STX2: variants seen among roughly 807,000 people sequenced by gnomAD.
STX2 encodes syntaxin 2.
In STX2, 27 loss-of-function variants were observed where a neutral mutation model predicts 40.6. That is an observed-to-expected ratio of 0.66 (90% CI 0.49 to 0.92). The LOEUF (loss-of-function observed/expected upper bound fraction) is 0.92. Ranked by LOEUF, STX2 falls within the 40% of genes least tolerant of loss-of-function variation. The pLI is 0.00. For missense variants in STX2, 328 were observed against 366.1 expected (o/e 0.90, Z 0.85); for synonymous variants, 123 against 119.1 (o/e 1.03, Z -0.22).
intron 6 of STX2, 122 bp from the exon 7 acceptor site, chr12:130,801,610 C>T (rs750810272): frequency 1.8e-6 from 2 of 1,087,324 alleles, no homozygotes; most frequent in South Asian, 2.9e-5. Flanking sequence ...ATTTTTTTAA[C>T]CTTTTCTTAA....
intron 2 of STX2, among the ~76,000 whole-genome samples, chr12:130,822,002 C>T (rs546249324): frequency 1.3e-5 from 2 of 152,300 alleles, no homozygotes; most frequent in East Asian, 3.9e-4. Context: ...TACCAATCAA[C>T]ATTCACCGGG....
intron 2 of STX2, among the ~76,000 whole-genome samples, chr12:130,825,041 CTTTT>C (rs1277477285): frequency 6.8e-5 from 9 of 132,386 alleles, no homozygotes; most frequent in Non-Finnish European, 8.1e-5. Flanking sequence ...CTTTTCTGTT[CTTTT>C]TTTTTTTTTT....
rs959442790 is a variant in STX2 at position 130,831,504 on chromosome 12, C to T, written c.31-4237G>A. ...ACATGGTGATACCCCATTTTTGGTA[C>T]AAAAAATACAAAAATTAGCCAGGCG... On this transcript the variant is annotated intron_variant, in intron 1 of 10. Coordinates refer to ENST00000392373, the MANE Select transcript of STX2 (RefSeq NM_194356.4). Among the ~76,000 whole-genome samples the T allele has an allele frequency of 3.3e-5, 5 of 151,980 alleles. No individual in the cohort carries two copies. The South Asian group carries it at 6.2e-4, about 19-fold the overall frequency.
intron 2 of STX2, among the ~76,000 whole-genome samples, chr12:130,824,132 G>T (rs1237560856): frequency 6.9e-6 from 1 of 145,384 alleles, no homozygotes; most frequent in Non-Finnish European, 1.5e-5. Flanking sequence ...GCTCACCCCT[G>T]TAATCCCAGC....
intron 5 of STX2, among the ~76,000 whole-genome samples, chr12:130,807,666 C>T (rs918358285): frequency 2.6e-5 from 4 of 152,212 alleles, no homozygotes; most frequent in Admixed American, 1.3e-4. Context: ...TAAAACGTGG[C>T]GGCCTTACCA....
chr12:130,798,649 G>A lies in STX2; in HGVS notation c.676-14C>T. The A allele has an allele frequency of 6.4e-7, 1 of 1,569,938 alleles. No individual in the cohort carries two copies. Among genetic ancestry groups the A allele is most frequent in the East Asian group, 2.3e-5 (1 of 42,756 alleles). ...GATCATTTCACCCTTAAAACAAAAA[G>A]TTTCAAACTTAGAAGACATTTTCAA... On this transcript the variant is annotated splice_polypyrimidine_tract_variant and intron_variant, in intron 8 of 10. Coordinates refer to ENST00000392373, the MANE Select transcript of STX2 (RefSeq NM_194356.4).
At chr12:130,838,973 C>T (rs1565944651) in intron 1 of STX2, 97 bp downstream of exon 1, 2 of 1,118,392 alleles carry the variant, frequency 1.8e-6, no homozygotes, top group Non-Finnish European at 1.1e-6. Context: ...GCCCTGGGGA[C>T]CCTCCCGGAG....
chr12:130,791,158 T>C lies in STX2; in HGVS notation c.*865A>G, dbSNP rs944260068. 9 of 152,058 alleles carry C rather than the reference T, an allele frequency of 5.9e-5. No individual in the cohort carries two copies. The highest frequency in any genetic ancestry group is 1.4e-4 in the African/African-American group (6 of 41,382). 9.4% of individuals were successfully genotyped at this position (152,058 alleles called of 1,614,324 possible). ...TCTTCAAACAGGCAATAAAACAGTA[T>C]AAAAGGTCTCTTAATTAGCACAAAC... On this transcript the variant is annotated 3_prime_UTR_variant, in exon 11 of 11. Coordinates refer to ENST00000392373, the MANE Select transcript of STX2 (RefSeq NM_194356.4).
At chr12:130,826,654 TTAAG>T (rs1952321977) in intron 2 of STX2, among the ~76,000 whole-genome samples, 1 of 152,326 alleles carries the variant, frequency 6.6e-6, no homozygotes. Context: ...AAATATTAGC[TTAAG>T]TATTATTTCA....
rs1344465255 is a variant in STX2, at chr12:130,798,619, T to C, written c.692A>G (p.Asn231Ser). 1 of 1,593,832 alleles carries C rather than the reference T, an allele frequency of 6.3e-7. No homozygotes were observed. The highest frequency in any genetic ancestry group is 1.8e-5 in the Admixed American group (1 of 54,938). The part of the protein sequence containing the change: ...FVETQGEMIN[N>S]IERNVMNATD... ...GGCATTCATAACATTTCTTTCTATG[T>C]TGTTGATCATTTCACCCTTAAAACA... The change falls in exon 9 of 11, where the codon AAC becomes AGC. Residue 231 changes from asparagine to serine, a missense_variant. Asn to Ser is a conservative substitution (Grantham distance 46). Transcript: ENST00000392373.
At chr12:130,818,183 A>ATATATATAT (rs1184546368) in intron 3 of STX2, among the ~76,000 whole-genome samples, 28 of 20,324 alleles carry the variant, frequency 1.4e-3, no homozygotes, top group African/African-American at 2.5e-3. Flanking sequence ...AAAAAAAAAA[A>ATATATATAT]AAATATATAT....
rs1015267667 is a variant in STX2, at chr12:130,791,036, G to C, written c.*987C>G. 6.6e-6 allele frequency: 1 copy of C among 152,344 alleles called. No homozygotes were observed. Among genetic ancestry groups the C allele is most frequent in the Admixed American group, 6.5e-5 (1 of 15,272 alleles). The allele number at this position is 152,344 out of a possible 1,614,324, so 9.4% of individuals were successfully genotyped here. Reference sequence around the variant, plus strand: ...TATTTCACTCAAAAGGCCACATTCAGTATATAAAAATGGGGTACATTAAGA... The same window carrying C: ...TATTTCACTCAAAAGGCCACATTCACTATATAAAAATGGGGTACATTAAGA... On this transcript the variant is annotated 3_prime_UTR_variant, in exon 11 of 11. Transcript: ENST00000392373.
At position 130,827,216 on chromosome 12, in the gene STX2, A is replaced by C; in HGVS notation, c.82T>G (p.Phe28Val). 6.2e-7 allele frequency: 1 copy of C among 1,613,892 alleles called. No homozygotes were observed. Among genetic ancestry groups the C allele is most frequent in the Non-Finnish European group, 8.5e-7 (1 of 1,179,924 alleles). ...ACCTGATGGAAGAAATCATCCATGA[A>C]ATGATCTTTCTCAACCACAACAACT... ...DTVVVVEKDH[F>V]MDDFFHQVEE... The change falls in exon 2 of 11, where the codon TTC becomes GTC. Residue 28 changes from phenylalanine (F) to valine (V), a missense_variant. Phe to Val is a conservative substitution (Grantham distance 50). Transcript: ENST00000392373.
intron 2 of STX2, among the ~76,000 whole-genome samples, chr12:130,823,155 A>C (rs949329577): frequency 3.3e-5 from 5 of 152,146 alleles, no homozygotes; most frequent in Non-Finnish European, 7.4e-5. Context: ...CTTTAAAAAA[A>C]AAGAAAATTA....
At chr12:130,798,285 C>A in intron 9 of STX2, 1 of 306,152 alleles carries the variant, frequency 3.3e-6, no homozygotes, top group Non-Finnish European at 5.8e-6. Context: ...GGATTACAGG[C>A]GTGCCACCAC....
chr12:130,832,020 A>G (rs2136356891), intron 1 of STX2, among the ~76,000 whole-genome samples: 1 of 151,988 alleles, frequency 6.6e-6, no homozygotes, highest in South Asian at 2.1e-4. Flanking sequence ...ACAGGCACAC[A>G]TATTTTTTTA....
chr12:130,806,600 A>T (rs1386987619), intron 6 of STX2, among the ~76,000 whole-genome samples: 1 of 152,190 alleles, frequency 6.6e-6, no homozygotes, highest in East Asian at 1.9e-4. Flanking sequence ...CCCTGAAAAG[A>T]GTCTGGGGCA....
intron 5 of STX2, among the ~76,000 whole-genome samples, chr12:130,808,163 C>T (rs1593140160): frequency 6.6e-6 from 1 of 152,156 alleles, no homozygotes; most frequent in East Asian, 1.9e-4. Flanking sequence ...CTCACACTGG[C>T]CCACGTAAGA....
chr12:130,792,716 T>G (rs1050680000), intron 10 of STX2, among the ~76,000 whole-genome samples: 2 of 152,356 alleles, frequency 1.3e-5, no homozygotes, highest in Non-Finnish European at 2.9e-5. Context: ...TCTTCCTGCC[T>G]TGGCCTTCCG....
Sources: allele counts gnomAD v4.1 joint callset (sites outside exome capture counted in the v4.1 genomes callset), GRCh38; gene constraint gnomAD v4.1.1; transcripts MANE v1.5; gene names NCBI Gene and HGNC (gene_info 2026-07-23, HGNC 2026-07-21).